KALRN: variants seen among roughly 807,000 people sequenced by gnomAD.
KALRN encodes the protein kalirin.
Under a neutral mutation model 353.7 loss-of-function variants are expected in KALRN, and 70 were observed. The observed-to-expected ratio is 0.20, with a 90% CI of 0.16 to 0.24. The LOEUF (loss-of-function observed/expected upper bound fraction) is 0.24. Among genes scored for constraint, KALRN ranks in the 10% least tolerant of loss-of-function variants. KALRN has a pLI of 1.00. For missense variants in KALRN, 2,791 were observed against 3,756.7 expected, an observed-to-expected ratio of 0.74 and a Z score of 6.72; for synonymous variants, 1,391 against 1,434.8, an observed-to-expected ratio of 0.97 and a Z score of 0.69.
At chr3:124,041,318 T>C (rs986780846) in intron 1 of KALRN, among the ~76,000 whole-genome samples, 1 of 152,174 alleles carries the variant, frequency 6.6e-6, no homozygotes, top group African/African-American at 2.4e-5. Context: ...CCTTCCCTTA[T>C]AGAGCTGCTG....
At chr3:124,470,547 G>T (rs1056513080) in intron 25 of KALRN, among the ~76,000 whole-genome samples, 1 of 151,406 alleles carries the variant, frequency 6.6e-6, no homozygotes, top group African/African-American at 2.4e-5. Flanking sequence ...AAAAAAAAAT[G>T]TTCTTAGCTT....
chr3:124,642,301 TAAAAG>T (rs925915942), intron 37 of KALRN, among the ~76,000 whole-genome samples: 9 of 128,738 alleles, frequency 7.0e-5, no homozygotes, highest in Admixed American at 1.6e-4. Context: ...AACAAAAAAT[TAAAAG>T]AGAGAGAGAG....
At chr3:124,051,521 A>G (rs1439767566) in intron 1 of KALRN, among the ~76,000 whole-genome samples, 1 of 152,228 alleles carries the variant, frequency 6.6e-6, no homozygotes, top group Non-Finnish European at 1.5e-5. Context: ...TGTGGTAAAT[A>G]AGACCAATTT....
chr3:124,595,179 T>C (rs531078799), intron 34 of KALRN, among the ~76,000 whole-genome samples: 1 of 149,342 alleles, frequency 6.7e-6, no homozygotes, highest in Non-Finnish European at 1.5e-5. Context: ...GGTCTTTTTT[T>C]TCCATGTGTG....
chr3:124,153,724 A>T lies in KALRN; in HGVS notation c.74-74266A>T, dbSNP rs1169959120. Among the ~76,000 whole-genome samples, 229 of 151,902 alleles carry T rather than the reference A, an allele frequency of 1.5e-3. 3 individuals carry two copies. The highest frequency in any genetic ancestry group is 1.4e-3 in the East Asian group (7 of 5,160). On this transcript the variant is annotated intron_variant, in intron 1 of 59. Transcript: ENST00000682506. ...TTCAACAATGGTTGAACTAGTTTAC[A>T]GTCCCACCAACAGTGTAAAAGTGTT...
intron 57 of KALRN, among the ~76,000 whole-genome samples, chr3:124,703,262 T>C (rs559772783): frequency 6.6e-6 from 1 of 152,262 alleles, no homozygotes; most frequent in East Asian, 1.9e-4. Context: ...AAACAAACTC[T>C]ACCTCTCCTT....
chr3:124,119,965 G>T (rs2063812430), intron 1 of KALRN, among the ~76,000 whole-genome samples: 1 of 152,174 alleles, frequency 6.6e-6, no homozygotes, highest in Non-Finnish European at 1.5e-5. Context: ...ACACCTTGGG[G>T]ATTGGGAGAA....
chr3:124,100,762 A>G (rs1355209668), intron 1 of KALRN, among the ~76,000 whole-genome samples: 3 of 152,216 alleles, frequency 2.0e-5, no homozygotes, highest in Admixed American at 6.5e-5. Flanking sequence ...AATGTATGCT[A>G]GAATCATCTG....
chr3:124,290,058 G>A (rs2076292032), intron 5 of KALRN, among the ~76,000 whole-genome samples: 1 of 152,186 alleles, frequency 6.6e-6, no homozygotes, highest in Non-Finnish European at 1.5e-5. Flanking sequence ...TTGTAGGATT[G>A]GAGGATTGGT....
At chr3:124,046,983 C>CT (rs201245508) in intron 1 of KALRN, among the ~76,000 whole-genome samples, 16,785 of 116,856 alleles carry the variant, frequency 0.14, 1,375 homozygotes, top group East Asian at 0.45. Context: ...GGAAATGTAT[C>CT]TTTTTTTTTT....
intron 33 of KALRN, among the ~76,000 whole-genome samples, chr3:124,502,147 A>G (rs913065032): frequency 2.6e-5 from 4 of 151,836 alleles, no homozygotes; most frequent in African/African-American, 4.9e-5. Context: ...AAAACAGAAT[A>G]GGGATGGAGT....
At chr3:124,355,675 T>G (rs1161299116) in intron 10 of KALRN, among the ~76,000 whole-genome samples, 1 of 150,838 alleles carries the variant, frequency 6.6e-6, no homozygotes, top group African/African-American at 2.4e-5. Flanking sequence ...CAACCTTTTT[T>G]CCTTAGGATT....
At chr3:124,181,076 CAAAAAAAAAAAA>C (rs60579271) in intron 1 of KALRN, among the ~76,000 whole-genome samples, 3 of 55,260 alleles carry the variant, frequency 5.4e-5, no homozygotes, top group African/African-American at 7.5e-5. Flanking sequence ...ACTAAAAATA[CAAAAAAAAAAAA>C]AAAAAAAAAA....
At chr3:124,407,621 C>A (rs2091707368) in intron 13 of KALRN, 1 of 152,066 alleles carries the variant, frequency 6.6e-6, no homozygotes, top group Admixed American at 6.6e-5. Flanking sequence ...TTAATATTAC[C>A]TTTATACTGA....
chr3:124,105,451 C>G (rs79155257), intron 1 of KALRN, among the ~76,000 whole-genome samples: 5,773 of 152,132 alleles, frequency 0.038, 338 homozygotes, highest in African/African-American at 0.13. Flanking sequence ...AGGAAGACAG[C>G]ATAGAGAAAA....
intron 5 of KALRN, among the ~76,000 whole-genome samples, chr3:124,277,849 T>A (rs187640286): frequency 1.4e-4 from 21 of 152,334 alleles, no homozygotes; most frequent in Middle Eastern, 3.4e-3. Context: ...ATGGACCCCA[T>A]AGAACTGTGG....
At chr3:124,714,744 G>C (rs768444393) in intron 58 of KALRN, among the ~76,000 whole-genome samples, 1 of 152,150 alleles carries the variant, frequency 6.6e-6, no homozygotes, top group African/African-American at 2.4e-5. Flanking sequence ...GGCTGGGCAC[G>C]ATGGCTCACG....
intron 47 of KALRN, among the ~76,000 whole-genome samples, chr3:124,667,710 C>T (rs1343670167): frequency 1.3e-5 from 2 of 152,180 alleles, no homozygotes; most frequent in African/African-American, 4.8e-5. Context: ...TTCTGTAATA[C>T]CCTGAAACTT....
intron 1 of KALRN, among the ~76,000 whole-genome samples, chr3:124,140,226 C>G (rs1337345342): frequency 1.3e-5 from 2 of 152,200 alleles, no homozygotes; most frequent in Non-Finnish European, 1.5e-5. Flanking sequence ...CCCTGGCTCC[C>G]CCAGGCATCT....
Sources: allele counts gnomAD v4.1 joint callset (sites outside exome capture counted in the v4.1 genomes callset), GRCh38; gene constraint gnomAD v4.1.1; transcripts MANE v1.5; gene names NCBI Gene and HGNC (gene_info 2026-07-23, HGNC 2026-07-21).